CUL3: variants seen among roughly 807,000 people sequenced by gnomAD.
The protein encoded by CUL3 is cullin-3.
A neutral mutation model predicts 89.1 loss-of-function variants in CUL3; 19 were observed. The ratio of observed to expected loss-of-function variants is 0.21; its 90% CI spans 0.15 to 0.31. The LOEUF (loss-of-function observed/expected upper bound fraction) is 0.31, where lower values mean the gene tolerates loss of function less well. Ranked by LOEUF, CUL3 falls within the 10% of genes least tolerant of loss-of-function variation. The pLI is 1.00. For synonymous variants in CUL3, 351 were observed against 308.4 expected, an observed-to-expected ratio of 1.14 and a Z score of -1.45; for missense variants, 469 against 942.3, an observed-to-expected ratio of 0.50 and a Z score of 6.58.
At chr2:224,480,582 T>A (rs1691502765) in intron 14 of CUL3, among the ~76,000 whole-genome samples, 1 of 152,178 alleles carries the variant, frequency 6.6e-6, no homozygotes, top group South Asian at 2.1e-4. Context: ...CTATGAAGAC[T>A]TTTTTAAACA....
At chr2:224,582,026 G>A (rs1002959863) in intron 1 of CUL3, among the ~76,000 whole-genome samples, 5 of 151,786 alleles carry the variant, frequency 3.3e-5, no homozygotes, top group South Asian at 4.2e-4. Context: ...GTGCAATGGC[G>A]CGATCTCAGC....
Position 224,543,604 on chromosome 2 carries a change from A to C in CUL3, c.265-7963T>G, listed in dbSNP as rs1043369484. On this transcript the variant is annotated intron_variant, in intron 2 of 15. Coordinates refer to ENST00000264414, the MANE Select transcript of CUL3 (RefSeq NM_003590.5). ...CAGATTTTGGAATATAATACTTACC[A>C]GGTAAGCATCCTTAATCCGAAAATC... Among the ~76,000 whole-genome samples the C allele has an allele frequency of 3.3e-5, 5 of 152,316 alleles. No individual in the cohort carries two copies. In the South Asian group the frequency reaches 6.2e-4, roughly 19 times the overall value.
intron 13 of CUL3, among the ~76,000 whole-genome samples, chr2:224,484,422 ATTCC>A: frequency 6.6e-6 from 1 of 151,794 alleles, no homozygotes; most frequent in South Asian, 2.1e-4. Context: ...CTCTATCTAT[ATTCC>A]TTCATGTTTT....
intron 3 of CUL3, among the ~76,000 whole-genome samples, chr2:224,518,458 T>C (rs192522429): frequency 6.6e-6 from 1 of 152,324 alleles, no homozygotes; most frequent in Non-Finnish European, 1.5e-5. Flanking sequence ...TTTGTGGACA[T>C]ATGCTTTCAT....
chr2:224,585,164 C>T lies in CUL3; in HGVS notation c.-155G>A. On this transcript the variant is annotated 5_prime_UTR_variant, in exon 1 of 16. Transcript: ENST00000264414. ...GAGCTGGCCGGCCCCTGGGCAGCCGCGGCGGCGGCGGGGGCGGCGGCGGCG... is the reference window on the plus strand; with the variant it reads ...GAGCTGGCCGGCCCCTGGGCAGCCGTGGCGGCGGCGGGGGCGGCGGCGGCG... 6.6e-6 allele frequency: 2 copies of T among 303,304 alleles called. No homozygotes were observed. The highest frequency in any genetic ancestry group is 9.9e-6 in the Non-Finnish European group (2 of 201,890). The allele number at this position is 303,304 out of a possible 1,614,324, so 18.8% of individuals were successfully genotyped here. A position where few individuals can be genotyped will look rare whatever the true frequency, so the allele number is the denominator to read the frequency against.
intron 3 of CUL3, among the ~76,000 whole-genome samples, chr2:224,532,136 C>T (rs1214437411): frequency 6.6e-6 from 1 of 152,040 alleles, no homozygotes; most frequent in Non-Finnish European, 1.5e-5. Context: ...AATGAAGGCT[C>T]CATTAACTAG....
chr2:224,514,841 A>T, intron 3 of CUL3, 69 bp from the exon 4 acceptor site: 2 of 1,104,988 alleles, frequency 1.8e-6, no homozygotes, highest in East Asian at 4.8e-5. Context: ...TGCTACAATA[A>T]CAAATAAAGG....
At chr2:224,577,992 T>C (rs751260796) in intron 1 of CUL3, among the ~76,000 whole-genome samples, 3 of 152,322 alleles carry the variant, frequency 2.0e-5, no homozygotes, top group South Asian at 2.1e-4. Context: ...GCCTCATTTG[T>C]AGAACAGATA....
intron 1 of CUL3, among the ~76,000 whole-genome samples, chr2:224,582,114 G>A (rs1374541856): frequency 2.0e-5 from 3 of 151,980 alleles, no homozygotes; most frequent in Non-Finnish European, 4.4e-5. Flanking sequence ...ACAGGCATCC[G>A]CCACCACGCC....
chr2:224,573,101 G>A (rs962569485), intron 1 of CUL3, among the ~76,000 whole-genome samples: 7 of 152,018 alleles, frequency 4.6e-5, no homozygotes, highest in Non-Finnish European at 7.4e-5. Flanking sequence ...TTGCATTTGC[G>A]TACACCAAAA....
rs888890851 is a variant in CUL3, at chr2:224,485,864, G to A, written c.1843-3786C>T. Among the ~76,000 whole-genome samples the A allele has an allele frequency of 3.3e-5, 5 of 152,152 alleles. No individual in the cohort carries two copies. The highest frequency in any genetic ancestry group is 1.3e-4 in the Admixed American group (2 of 15,282). ...CAGACACCTCATACAGGAGAGCTCC[G>A]GCTGGCATCTGGCAGGTGCCCCTCT... On this transcript the variant is annotated intron_variant, in intron 13 of 15. Coordinates refer to ENST00000264414, the MANE Select transcript of CUL3 (RefSeq NM_003590.5). The surrounding 1 kb of genome is among the most constrained non-coding windows in gnomAD (Gnocchi z 4.1).
At chr2:224,505,300 G>C (rs1692557264) in intron 8 of CUL3, among the ~76,000 whole-genome samples, 1 of 152,010 alleles carries the variant, frequency 6.6e-6, no homozygotes, top group Admixed American at 6.6e-5. Flanking sequence ...ACCATGCCCA[G>C]CTAATTTTGT....
chr2:224,572,480 T>TAAAAAA (rs777832978), intron 1 of CUL3, among the ~76,000 whole-genome samples: 1 of 133,044 alleles, frequency 7.5e-6, no homozygotes, highest in Non-Finnish European at 1.6e-5. Flanking sequence ...CCCTGTCTCT[T>TAAAAAA]AAAAAAAAAA....
chr2:224,567,778 C>A (rs756516651), intron 1 of CUL3, among the ~76,000 whole-genome samples: 3 of 151,978 alleles, frequency 2.0e-5, no homozygotes, highest in Non-Finnish European at 4.4e-5. Flanking sequence ...ACTGCAAGAG[C>A]CTTCCAAACA....
chr2:224,518,752 CA>C (rs1319605281), intron 3 of CUL3, among the ~76,000 whole-genome samples: 1 of 152,068 alleles, frequency 6.6e-6, no homozygotes, highest in East Asian at 1.9e-4. Context: ...ATCCTCTCAC[CA>C]AAAAATAATA....
intron 1 of CUL3, among the ~76,000 whole-genome samples, chr2:224,581,308 A>C (rs1695431084): frequency 6.6e-6 from 1 of 151,366 alleles, no homozygotes; most frequent in South Asian, 2.1e-4. Context: ...AGGCAGAAGA[A>C]TCGCTCGAAC....
rs764008735 is a variant in CUL3 at position 224,474,396 on chromosome 2, G to A, written c.2176-20C>T. On this transcript the variant is annotated intron_variant, in intron 15 of 15. Coordinates refer to ENST00000264414, the MANE Select transcript of CUL3 (RefSeq NM_003590.5). ...AGTTACCTAAAAAAGAAAGTAGATA[G>A]TATTTTTATATAAACACATAAAAAT... 4.7e-5 allele frequency: 76 copies of A among 1,606,018 alleles called. No individual in the cohort carries two copies. Among genetic ancestry groups the A allele is most frequent in the Non-Finnish European group, 6.4e-5 (75 of 1,175,342 alleles).
chr2:224,570,898 G>T (rs1050479752), intron 1 of CUL3, among the ~76,000 whole-genome samples: 1 of 152,168 alleles, frequency 6.6e-6, no homozygotes, highest in Non-Finnish European at 1.5e-5. Context: ...AAAGACACAA[G>T]GTCAAGCTTC....
intron 1 of CUL3, among the ~76,000 whole-genome samples, chr2:224,571,513 G>T (rs62187045): frequency 6.6e-6 from 1 of 151,840 alleles, no homozygotes; most frequent in Non-Finnish European, 1.5e-5. Flanking sequence ...ACAAAATACC[G>T]AACTGCCATA....
Sources: gnomAD v4.1 joint callset for allele counts (sites outside exome capture counted in the v4.1 genomes callset) on GRCh38, gnomAD v4.1.1 for gene constraint, Gnocchi (gnomAD v3.1) non-coding constraint, MANE v1.5 for transcripts, NCBI Gene and HGNC (gene_info 2026-07-23, HGNC 2026-07-21) for gene names.